The following TRMT44 variants were observed in gnomAD, a reference collection of about 807,000 sequenced individuals.
The protein encoded by TRMT44 is probable tRNA (uracil-O(2)-)-methyltransferase.
TRMT44 carries 78 observed loss-of-function variants against 77.3 expected under a neutral mutation model. That is an observed-to-expected ratio of 1.01 (90% CI 0.84 to 1.22). TRMT44 has a LOEUF of 1.22. Among genes scored for constraint, TRMT44 ranks in the 50% most tolerant of loss-of-function variants. TRMT44 has a pLI of 0.00. For missense variants in TRMT44, 1,090 were observed against 964.4 expected (o/e 1.13, Z -1.73); for synonymous variants, 391 against 383.3 (o/e 1.02, Z -0.23).
chr4:8,454,835 C>T (rs754814549), intron 6 of TRMT44, 22 bp downstream of exon 6: 14 of 1,610,792 alleles, frequency 8.7e-6, no homozygotes, highest in Non-Finnish European at 1.2e-5. Context: ...ATTACGCATG[C>T]CCTTGATCTC....
At chr4:8,463,907 C>T (rs2109146407) in intron 6 of TRMT44, 78 bp from the exon 7 acceptor site, 1 of 1,212,034 alleles carries the variant, frequency 8.3e-7, no homozygotes. Flanking sequence ...GAGCCTGTAC[C>T]CTCCCGCCAT....
At chr4:8,483,350 A>G (rs1235960100) in intron 2 of TRMT44, among the ~76,000 whole-genome samples, 1 of 152,058 alleles carries the variant, frequency 6.6e-6, no homozygotes, top group Admixed American at 6.6e-5. Flanking sequence ...CAGGGCATGT[A>G]TGAGTAGTTG....
At chr4:8,509,720 G>C in the TRMT44 span, 4 of 152,680 alleles carry the variant, frequency 2.6e-5, no homozygotes, top group Non-Finnish European at 5.9e-5. Flanking sequence ...CCACGTCGCT[G>C]TTCTCACCAG....
the TRMT44 span, among the ~76,000 whole-genome samples, chr4:8,514,163 A>G: frequency 6.6e-6 from 1 of 151,904 alleles, no homozygotes. Context: ...AGCAGGGAAG[A>G]GCCAGCTCTG....
In TRMT44 at chr4:8,461,361, G is replaced by C. The variant is rs892952045; in HGVS notation, c.1204-2624G>C. Among the ~76,000 whole-genome samples the C allele has an allele frequency of 1.3e-5, 2 of 152,136 alleles. No homozygotes were observed. Among genetic ancestry groups the C allele is most frequent in the African/African-American group, 4.8e-5 (2 of 41,410 alleles). The stretch of plus-strand genomic sequence containing the variant: ...GTCCCAGAATCGGGCTCTAAACTTG[G>C]CTATGAAGTTAATGATCAAAGCTAA... On this transcript the variant is annotated intron_variant, in intron 6 of 10. Transcript: ENST00000389737. The surrounding 1 kb of genome is among the most constrained non-coding windows in gnomAD (Gnocchi z 4.6).
downstream of TRMT44, among the ~76,000 whole-genome samples, chr4:8,480,301 G>C (rs1727572772): frequency 6.6e-6 from 1 of 152,210 alleles, no homozygotes; most frequent in Non-Finnish European, 1.5e-5. Flanking sequence ...GCACTGTGGA[G>C]GTGGAGTGCA....
Position 8,483,327 on chromosome 4 carries a change from G to C in TRMT44, n.3891+3794G>C, listed in dbSNP as rs184565264. Reference sequence around the variant, plus strand: ...CTTGGAGAAACAGTGTAAACTGGCAGTGTAAACAAGAGCAGGGCATGTATG... The same window carrying C: ...CTTGGAGAAACAGTGTAAACTGGCACTGTAAACAAGAGCAGGGCATGTATG... On this transcript the variant is annotated intron_variant and non_coding_transcript_variant, in intron 2 of 2. Transcript: ENST00000511366. Among the ~76,000 whole-genome samples the C allele has an allele frequency of 3.8e-3, 572 of 152,298 alleles. 4 individuals are homozygous for C. The highest frequency in any genetic ancestry group is 0.012 in the East Asian group (61 of 5,178).
intron 6 of TRMT44, among the ~76,000 whole-genome samples, chr4:8,456,761 G>A (rs1258530036): frequency 6.6e-6 from 1 of 152,190 alleles, no homozygotes; most frequent in Non-Finnish European, 1.5e-5. Context: ...TAAAGCTGGA[G>A]AATTTAATGC....
chr4:8,446,675 C>A lies in TRMT44; in HGVS notation c.734+85C>A, dbSNP rs1207403311. 1 of 887,928 alleles carries A rather than the reference C, an allele frequency of 1.1e-6. No homozygotes were observed. The highest frequency in any genetic ancestry group is 1.7e-6 in the Non-Finnish European group (1 of 583,870). The allele number at this position is 887,928 out of a possible 1,614,324, so 55.0% of individuals were successfully genotyped here. ...GCCAAAGGATTCTGGGTTGCCAGGG[C>A]TTAAGGTCCTGTCTCTGAGGTGGTT... On this transcript the variant is annotated intron_variant, in intron 2 of 10. Transcript: ENST00000389737. The surrounding 1 kb of genome is among the most constrained non-coding windows in gnomAD (Gnocchi z 4.3).
At chr4:8,483,742 A>G (rs1292037022) in intron 2 of TRMT44, among the ~76,000 whole-genome samples, 1 of 152,224 alleles carries the variant, frequency 6.6e-6, no homozygotes, top group Non-Finnish European at 1.5e-5. Context: ...CTGGTCTGCT[A>G]TTGGACTGTA....
intron 2 of TRMT44, among the ~76,000 whole-genome samples, chr4:8,481,886 T>A (rs1056102262): frequency 3.9e-5 from 6 of 152,220 alleles, no homozygotes; most frequent in Non-Finnish European, 1.5e-5. Context: ...GAGGCTCTTC[T>A]TGAGGAATTG....
the TRMT44 span, among the ~76,000 whole-genome samples, chr4:8,501,356 AT>A: frequency 6.6e-6 from 1 of 152,124 alleles, no homozygotes; most frequent in Non-Finnish European, 1.5e-5. This position sits in a 1 kb window ranked among gnomAD's most constrained non-coding sequence, Gnocchi z 4.4. Flanking sequence ...GGCTGCTGCT[AT>A]TAATAGCAGC....
downstream of TRMT44, among the ~76,000 whole-genome samples, chr4:8,493,708 C>T (rs6816430): frequency 0.23 from 35,259 of 151,774 alleles, 4,661 homozygotes; most frequent in African/African-American, 0.36. Context: ...TTGCTCTCAG[C>T]GCAGCGGATC....
intron 10 of TRMT44, among the ~76,000 whole-genome samples, chr4:8,474,004 C>T (rs951914714): frequency 6.6e-6 from 1 of 152,244 alleles, no homozygotes; most frequent in African/African-American, 2.4e-5. Context: ...GCTTCCAAAA[C>T]ATGGTTGGGT....
At chr4:8,508,627 G>A in the TRMT44 span, among the ~76,000 whole-genome samples, 2 of 152,256 alleles carry the variant, frequency 1.3e-5, no homozygotes, top group Non-Finnish European at 2.9e-5. Context: ...CTGACCGACT[G>A]TGGCCATGGG....
At chr4:8,465,245 G>T (rs1726447129) in intron 7 of TRMT44, 133 bp from the exon 8 acceptor site, 1 of 852,550 alleles carries the variant, frequency 1.2e-6, no homozygotes, top group Non-Finnish European at 1.9e-6. Context: ...GCAACAAAAA[G>T]AAACAATATT....
In TRMT44 at chr4:8,444,888, A is replaced by T. The variant is rs535254164; in HGVS notation, c.620-1588A>T. 9.8e-5 allele frequency among the ~76,000 whole-genome samples: 15 copies of T among 152,370 alleles called. No homozygotes were observed. The highest frequency in any genetic ancestry group is 2.9e-4 in the African/African-American group (12 of 41,596). On this transcript the variant is annotated intron_variant, in intron 1 of 10. Coordinates refer to ENST00000389737, the MANE Select transcript of TRMT44 (RefSeq NM_152544.3). This position sits in a 1 kb window ranked among gnomAD's most constrained non-coding sequence, Gnocchi z 4.0. Reference sequence around the variant, plus strand: ...ATGTACCCACAAAAATGAAAAATTTAAAAATTTTAAAAATCGAAATTTATC... The same window carrying T: ...ATGTACCCACAAAAATGAAAAATTTTAAAATTTTAAAAATCGAAATTTATC...
At chr4:8,492,936 C>T (rs1317273904) in intron 2 of TRMT44, among the ~76,000 whole-genome samples, 1 of 152,184 alleles carries the variant, frequency 6.6e-6, no homozygotes, top group Admixed American at 6.5e-5. Context: ...TGCCCGACCA[C>T]CTTGGGCACA....
chr4:8,471,053 T>G (rs1242681679), intron 9 of TRMT44, 31 bp from the exon 10 acceptor site: 2 of 1,500,752 alleles, frequency 1.3e-6, no homozygotes, highest in African/African-American at 2.8e-5. Context: ...TGCTGTTGTT[T>G]TGGGGAAAAA....
Sources: allele counts gnomAD v4.1 joint callset (sites outside exome capture counted in the v4.1 genomes callset), GRCh38; gene constraint gnomAD v4.1.1; non-coding constraint Gnocchi (gnomAD v3.1); transcripts MANE v1.5; gene names NCBI Gene and HGNC (gene_info 2026-07-23, HGNC 2026-07-21).